PLB1: variants seen among roughly 807,000 people sequenced by gnomAD.
PLB1 encodes the protein phospholipase B1, membrane-associated.
A neutral mutation model predicts 227.4 loss-of-function variants in PLB1; 242 were observed. The ratio of observed to expected loss-of-function variants is 1.06; its 90% CI spans 0.96 to 1.18. The LOEUF (loss-of-function observed/expected upper bound fraction) is 1.18, where lower values mean the gene tolerates loss of function less well. Ranked by LOEUF, PLB1 falls within the 50% of genes most tolerant of loss-of-function variation. PLB1 has a pLI of 0.00. For synonymous variants in PLB1, 757 were observed against 682.2 expected (o/e 1.11, Z -1.71); for missense variants, 1,858 against 1,816.3 (o/e 1.02, Z -0.42).
Position 28,632,101 on chromosome 2 carries a change from G to A in PLB1, c.3963G>A (p.Val1321=). 1 of 1,614,142 alleles carries A rather than the reference G, an allele frequency of 6.2e-7. No homozygotes were observed. The highest frequency in any genetic ancestry group is 8.5e-7 in the Non-Finnish European group (1 of 1,180,004). ...YTQREDFAVV[V]QPFFQNTLTP... ...AGCGTGAGGACTTTGCGGTTGTGGT[G>A]CAGCCTTTCTTCCAAAACACACTCA... Residue 1321 remains valine (V), a synonymous_variant, in exon 55 of 58, where the codon GTG becomes GTA. Coordinates refer to ENST00000327757, the MANE Select transcript of PLB1 (RefSeq NM_153021.5).
chr2:28,542,132 C>CAAA (rs34320310), intron 13 of PLB1, among the ~76,000 whole-genome samples: 5 of 125,826 alleles, frequency 4.0e-5, no homozygotes, highest in Admixed American at 2.3e-4. Context: ...GACTCAGTCT[C>CAAA]AAAAAAAAAA....
At chr2:28,498,152 T>C (rs1003051941) in intron 1 of PLB1, among the ~76,000 whole-genome samples, 4 of 152,004 alleles carry the variant, frequency 2.6e-5, no homozygotes, top group Admixed American at 2.6e-4. Context: ...AATTTACTTT[T>C]CTCGTTTAAG....
At position 28,509,897 on chromosome 2, in the gene PLB1, C is replaced by T. The variant is rs182951303; in HGVS notation, c.56-6911C>T. On this transcript the variant is annotated intron_variant, in intron 1 of 57. Transcript: ENST00000327757. ...TGGTGAAAGCAGAGAAGTAGATTGACGGCCCATGTCGCTCCAAGGGTTAGT... is the reference window on the plus strand; with the variant it reads ...TGGTGAAAGCAGAGAAGTAGATTGATGGCCCATGTCGCTCCAAGGGTTAGT... Among the ~76,000 whole-genome samples the T allele has an allele frequency of 3.0e-4, 45 of 152,254 alleles. No individual in the cohort carries two copies. In the East Asian group the frequency reaches 4.3e-3, roughly 14 times the overall value.
At chr2:28,580,260 G>A (rs931692973) in intron 23 of PLB1, among the ~76,000 whole-genome samples, 58 of 152,202 alleles carry the variant, frequency 3.8e-4, no homozygotes, top group Admixed American at 1.3e-4. Flanking sequence ...TCCCACCCAC[G>A]CCTATGCCAG....
chr2:28,521,008 T>C (rs1235919602), intron 4 of PLB1, among the ~76,000 whole-genome samples: 1 of 152,138 alleles, frequency 6.6e-6, no homozygotes, highest in Non-Finnish European at 1.5e-5. Context: ...ATCATACACT[T>C]AATGTTTCAT....
chr2:28,566,710 G>A, intron 19 of PLB1, 86 bp from the exon 20 acceptor site: 1 of 1,463,432 alleles, frequency 6.8e-7, no homozygotes, highest in South Asian at 1.1e-5. Context: ...TTTCTCGGGA[G>A]ACGGGCGTTT....
rs1034512574 is a variant in PLB1 at position 28,539,188 on chromosome 2, G to A, written c.698+10G>A. Reference sequence around the variant, plus strand: ...ACGGCACTTGGCTCAGGTAAAAGGGGAAGTGGAATGAGACACGCATCTGTG... The same window carrying A: ...ACGGCACTTGGCTCAGGTAAAAGGGAAAGTGGAATGAGACACGCATCTGTG... On this transcript the variant is annotated intron_variant, in intron 11 of 57. Transcript: ENST00000327757. The A allele has an allele frequency of 1.9e-6, 3 of 1,606,966 alleles. No homozygotes were observed. The highest frequency in any genetic ancestry group is 2.6e-6 in the Non-Finnish European group (3 of 1,173,452).
intron 56 of PLB1, among the ~76,000 whole-genome samples, chr2:28,633,706 T>C (rs1688968577): frequency 1.3e-5 from 2 of 152,260 alleles, no homozygotes; most frequent in African/African-American, 4.8e-5. Flanking sequence ...CTGCCTTCTG[T>C]GGCTGGCCAC....
intron 1 of PLB1, among the ~76,000 whole-genome samples, chr2:28,509,729 A>G (rs1250197223): frequency 6.6e-6 from 1 of 152,172 alleles, no homozygotes; most frequent in Non-Finnish European, 1.5e-5. Flanking sequence ...AGCCCTTCAT[A>G]TATCCATGGG....
chr2:28,547,202 CAAAAA>C (rs531346408), intron 14 of PLB1, among the ~76,000 whole-genome samples: 7 of 99,912 alleles, frequency 7.0e-5, no homozygotes, highest in Non-Finnish European at 1.4e-4. Context: ...ACCCTGTCTC[CAAAAA>C]AAAAAAAAAG....
chr2:28,617,807 T>C lies in PLB1; in HGVS notation c.3256+20T>C. 1 of 1,608,078 alleles carries C rather than the reference T, an allele frequency of 6.2e-7. No individual in the cohort carries two copies. Among genetic ancestry groups the C allele is most frequent in the East Asian group, 2.2e-5 (1 of 44,856 alleles). On this transcript the variant is annotated intron_variant, in intron 45 of 57. Transcript: ENST00000327757. Reference sequence around the variant, plus strand: ...CCTCTGGTGAGTGAAAACATCATCATCTCCTTCAATTAAGGGCCTTGCCGA... The same window carrying C: ...CCTCTGGTGAGTGAAAACATCATCACCTCCTTCAATTAAGGGCCTTGCCGA...
At chr2:28,569,331 G>A (rs1049651932) in intron 20 of PLB1, among the ~76,000 whole-genome samples, 1 of 152,118 alleles carries the variant, frequency 6.6e-6, no homozygotes, top group African/African-American at 2.4e-5. Flanking sequence ...ATCATGTATT[G>A]AGCATTATAT....
intron 9 of PLB1, among the ~76,000 whole-genome samples, chr2:28,537,459 G>A (rs1360236615): frequency 6.6e-6 from 1 of 152,052 alleles, no homozygotes; most frequent in Non-Finnish European, 1.5e-5. Context: ...GGGAGGCCGA[G>A]GTAGGTGGAT....
At chr2:28,565,469 C>T (rs960810546) in intron 19 of PLB1, 116 bp downstream of exon 19, 34 of 841,626 alleles carry the variant, frequency 4.0e-5, no homozygotes, top group Non-Finnish European at 5.9e-5. Context: ...TTGTTCTTTT[C>T]TATGACCAAC....
intron 21 of PLB1, 133 bp from the exon 22 acceptor site, chr2:28,577,974 G>A (rs1242541794): frequency 6.1e-6 from 5 of 822,462 alleles, no homozygotes; most frequent in East Asian, 2.6e-5. Context: ...CTGCGACACG[G>A]CCTTCAGTCC....
At chr2:28,622,502 A>T (rs964828422) in intron 49 of PLB1, among the ~76,000 whole-genome samples, 1 of 152,234 alleles carries the variant, frequency 6.6e-6, no homozygotes, top group Non-Finnish European at 1.5e-5. Context: ...ATGGATCTTC[A>T]GTTTCAAAGT....
intron 1 of PLB1, among the ~76,000 whole-genome samples, chr2:28,497,145 G>A (rs1206164503): frequency 6.6e-6 from 1 of 152,236 alleles, no homozygotes; most frequent in African/African-American, 2.4e-5. Context: ...AGTGCCTGTT[G>A]AAGTCTTTTT....
intron 54 of PLB1, among the ~76,000 whole-genome samples, chr2:28,630,943 C>A (rs966253545): frequency 3.3e-5 from 5 of 152,184 alleles, no homozygotes; most frequent in Admixed American, 2.6e-4. Flanking sequence ...ATTCCCCACC[C>A]AGAGCCATGT....
In PLB1 at chr2:28,548,945, G is replaced by A. The variant is rs766196898; in HGVS notation, c.1008+14G>A. On this transcript the variant is annotated intron_variant, in intron 15 of 57. Coordinates refer to ENST00000327757, the MANE Select transcript of PLB1 (RefSeq NM_153021.5). Reference sequence around the variant, plus strand: ...TGTCCCTCTCAGGTAGGAGGGACTGGGCAGAGGAGGGACTCTTATTGAATC... The same window carrying A: ...TGTCCCTCTCAGGTAGGAGGGACTGAGCAGAGGAGGGACTCTTATTGAATC... 3 of 1,612,408 alleles carry A rather than the reference G, an allele frequency of 1.9e-6. No individual in the cohort carries two copies. The African/African-American group carries it at 4.0e-5, about 22-fold the overall frequency.
Sources: allele counts gnomAD v4.1 joint callset (sites outside exome capture counted in the v4.1 genomes callset), GRCh38; gene constraint gnomAD v4.1.1; transcripts MANE v1.5; gene names NCBI Gene and HGNC (gene_info 2026-07-23, HGNC 2026-07-21).